The following SP4 variants were observed in gnomAD, a reference collection of about 807,000 sequenced individuals.
SP4 encodes the protein Sp4 transcription factor.
Under a neutral mutation model 72.8 loss-of-function variants are expected in SP4, and 19 were observed. The ratio of observed to expected loss-of-function variants is 0.26; its 90% CI spans 0.18 to 0.38. The LOEUF (loss-of-function observed/expected upper bound fraction) is 0.38, where lower values mean the gene tolerates loss of function less well. SP4 is among the 10% of genes least tolerant of loss of function. The pLI is 1.00. For synonymous variants in SP4, 395 were observed against 333.1 expected (o/e 1.19, Z -2.02); for missense variants, 1,008 against 926.3 (o/e 1.09, Z -1.14).
intron 5 of SP4, among the ~76,000 whole-genome samples, chr7:21,497,865 TC>T (rs1781762018): frequency 1.3e-5 from 2 of 152,242 alleles, no homozygotes; most frequent in Admixed American, 1.3e-4. Context: ...AAATGAAAAA[TC>T]ACTCATTATG....
rs1182028606 is a variant in SP4, at chr7:21,513,528, CT to C, written c.*2260del. The stretch of plus-strand genomic sequence containing the variant: ...TCATTTTAATTTTATTATATAGGAG[CT>C]GAAACATCAAATATATATTTTATCT... On this transcript the variant is annotated 3_prime_UTR_variant, in exon 6 of 6. Coordinates refer to ENST00000222584, the MANE Select transcript of SP4 (RefSeq NM_003112.5). 1.3e-5 allele frequency: 2 copies of C among 151,316 alleles called. No homozygotes were observed. Among genetic ancestry groups the C allele is most frequent in the South Asian group, 2.1e-4 (1 of 4,828 alleles). 9.4% of individuals were successfully genotyped at this position (151,316 alleles called of 1,614,324 possible).
At chr7:21,501,369 T>C (rs1234277525) in intron 5 of SP4, among the ~76,000 whole-genome samples, 1 of 152,238 alleles carries the variant, frequency 6.6e-6, no homozygotes, top group East Asian at 1.9e-4. Flanking sequence ...TTTACTTCCT[T>C]CGGTCTCATT....
chr7:21,499,268 T>C (rs2128415596), intron 5 of SP4, among the ~76,000 whole-genome samples: 1 of 152,238 alleles, frequency 6.6e-6, no homozygotes, highest in Non-Finnish European at 1.5e-5. Flanking sequence ...AATGTCCCTT[T>C]AGTGGGTTGA....
At chr7:21,449,912 A>G (rs1322544584) in intron 3 of SP4, among the ~76,000 whole-genome samples, 4 of 152,198 alleles carry the variant, frequency 2.6e-5, no homozygotes, top group East Asian at 1.9e-4. Flanking sequence ...GTTTTCTCCT[A>G]TCCCAAGTGG....
intron 3 of SP4, among the ~76,000 whole-genome samples, chr7:21,457,746 C>A (rs1404156426): frequency 6.6e-6 from 1 of 151,852 alleles, no homozygotes; most frequent in African/African-American, 2.4e-5. Context: ...ATGACCATGA[C>A]CCACTGTTAT....
At chr7:21,484,700 G>T (rs1049461192) in intron 5 of SP4, among the ~76,000 whole-genome samples, 1 of 151,822 alleles carries the variant, frequency 6.6e-6, no homozygotes, top group African/African-American at 2.4e-5. Flanking sequence ...TCCTGGATTA[G>T]CAGTGGGATA....
At chr7:21,433,310 CT>C (rs1305757248) in intron 3 of SP4, among the ~76,000 whole-genome samples, 1 of 152,126 alleles carries the variant, frequency 6.6e-6, no homozygotes, top group Admixed American at 6.5e-5. Context: ...TAGTTGGATT[CT>C]TTTCCCCCTG....
At chr7:21,437,403 A>G (rs1288942071) in intron 3 of SP4, among the ~76,000 whole-genome samples, 1 of 152,212 alleles carries the variant, frequency 6.6e-6, no homozygotes, top group East Asian at 1.9e-4. Context: ...TTGAAGGCTC[A>G]TAGCTGGTTG....
intron 4 of SP4, among the ~76,000 whole-genome samples, chr7:21,480,696 C>T (rs1301541414): frequency 6.6e-6 from 1 of 152,166 alleles, no homozygotes; most frequent in Non-Finnish European, 1.5e-5. Context: ...TTTTCTGACC[C>T]TAAGAAGGTT....
intron 3 of SP4, among the ~76,000 whole-genome samples, chr7:21,461,502 G>A (rs1277065376): frequency 2.0e-5 from 3 of 152,216 alleles, no homozygotes; most frequent in African/African-American, 7.2e-5. Context: ...CACTGCCGGG[G>A]GCCAGCAGGG....
At chr7:21,486,631 C>G (rs1042792220) in intron 5 of SP4, among the ~76,000 whole-genome samples, 2 of 152,134 alleles carry the variant, frequency 1.3e-5, no homozygotes, top group Non-Finnish European at 2.9e-5. Flanking sequence ...ACATTAGTGT[C>G]TTTCTCTTAT....
chr7:21,501,283 C>A (rs769716972), intron 5 of SP4, among the ~76,000 whole-genome samples: 1 of 151,658 alleles, frequency 6.6e-6, no homozygotes, highest in Non-Finnish European at 1.5e-5. Flanking sequence ...GGCTGGTTGC[C>A]AGTATATTTA....
In SP4 at chr7:21,455,378, CTT is replaced by C. The variant is rs572898153; in HGVS notation, c.1679-21698_1679-21697del. ...TTGTTTTAAGGTTTGAAGGATCAAA[CTT>C]TTCCCAGTTTTTTGAGGATGCATCC... On this transcript the variant is annotated intron_variant, in intron 3 of 5. Transcript: ENST00000222584. Among the ~76,000 whole-genome samples the C allele has an allele frequency of 8.4e-3, 1,285 of 152,244 alleles. 10 individuals are homozygous for C. The highest frequency in any genetic ancestry group is 0.019 in the South Asian group (90 of 4,824).
intron 5 of SP4, among the ~76,000 whole-genome samples, chr7:21,498,673 C>T (rs907275882): frequency 3.3e-5 from 5 of 152,170 alleles, no homozygotes; most frequent in Non-Finnish European, 5.9e-5. Flanking sequence ...TTTGACTCCC[C>T]TAAAACTTAA....
In SP4 at chr7:21,429,834, C is replaced by T. The variant is rs1167305453; in HGVS notation, c.669C>T (p.Asn223=). The change falls in exon 3 of 6, where the codon AAC becomes AAT. Residue 223 remains asparagine (N), a synonymous_variant. Coordinates refer to ENST00000222584, the MANE Select transcript of SP4 (RefSeq NM_003112.5). The part of the protein sequence containing the change: ...RTASGNILAQ[N]LANQTVPVQI... ...CTTCTGGGAATATTCTTGCTCAAAA[C>T]CTGGCAAATCAGACAGTTCCGGTCC... 1.2e-6 allele frequency: 2 copies of T among 1,614,106 alleles called. No homozygotes were observed. Among genetic ancestry groups the T allele is most frequent in the East Asian group, 2.2e-5 (1 of 44,900 alleles).
chr7:21,428,615 A>G, intron 1 of SP4, 62 bp from the exon 2 acceptor site: 1 of 1,438,572 alleles, frequency 7.0e-7, no homozygotes, highest in Non-Finnish European at 9.4e-7. Flanking sequence ...GAGGAAGAAG[A>G]CGAATAATAA....
In SP4 at chr7:21,502,619, T is replaced by C. The variant is rs115037408; in HGVS notation, c.2108-8403T>C. Among the ~76,000 whole-genome samples, 705 of 152,250 alleles carry C rather than the reference T, an allele frequency of 4.6e-3. 8 individuals carry two copies. Among genetic ancestry groups the C allele is most frequent in the African/African-American group, 0.015 (639 of 41,558 alleles). On this transcript the variant is annotated intron_variant, in intron 5 of 5. Transcript: ENST00000222584. Reference sequence around the variant, plus strand: ...AGTAGTTACTCTTGTTGAGGGCTTGTACCAAAAATGTGACCCACTCAACCC... The same window carrying C: ...AGTAGTTACTCTTGTTGAGGGCTTGCACCAAAAATGTGACCCACTCAACCC...
At chr7:21,505,405 ATTAT>A (rs907273016) in intron 5 of SP4, among the ~76,000 whole-genome samples, 3 of 152,182 alleles carry the variant, frequency 2.0e-5, no homozygotes, top group Admixed American at 6.5e-5. Flanking sequence ...AAATTAAAAG[ATTAT>A]CTATGTATTG....
Position 21,511,408 on chromosome 7 carries a change from G to A in SP4, c.*139G>A. Reference sequence around the variant, plus strand: ...GCTTCTTTAAGTATTCCAGGGTTTGGGGTCAACACGTGAAGTGTTGAATTT... The same window carrying A: ...GCTTCTTTAAGTATTCCAGGGTTTGAGGTCAACACGTGAAGTGTTGAATTT... On this transcript the variant is annotated 3_prime_UTR_variant, in exon 6 of 6. Coordinates refer to ENST00000222584, the MANE Select transcript of SP4 (RefSeq NM_003112.5). The A allele has an allele frequency of 1.2e-6, 1 of 842,596 alleles. No individual in the cohort carries two copies. The highest frequency in any genetic ancestry group is 2.6e-5 in the East Asian group (1 of 38,660). The allele number at this position is 842,596 out of a possible 1,614,324, so 52.2% of individuals were successfully genotyped here. A position where few individuals can be genotyped will look rare whatever the true frequency, so the allele number is the denominator to read the frequency against.
Sources: allele counts gnomAD v4.1 joint callset (sites outside exome capture counted in the v4.1 genomes callset), GRCh38; gene constraint gnomAD v4.1.1; transcripts MANE v1.5; gene names NCBI Gene and HGNC (gene_info 2026-07-23, HGNC 2026-07-21).